PDLIM5: variants seen among roughly 807,000 people sequenced by gnomAD.
PDLIM5 encodes the protein PDZ and LIM domain 5.
Under a neutral mutation model 64.2 loss-of-function variants are expected in PDLIM5, and 34 were observed. The observed-to-expected ratio is 0.53, with a 90% CI of 0.40 to 0.71. The LOEUF (loss-of-function observed/expected upper bound fraction) is 0.71. Ranked by LOEUF, PDLIM5 falls within the 30% of genes least tolerant of loss-of-function variation. The pLI, the probability that PDLIM5 is intolerant of heterozygous loss-of-function variation, is 0.00. For missense variants in PDLIM5, 683 were observed against 733.6 expected, an observed-to-expected ratio of 0.93 and a Z score of 0.80; for synonymous variants, 253 against 269.1, an observed-to-expected ratio of 0.94 and a Z score of 0.59.
intron 3 of PDLIM5, among the ~76,000 whole-genome samples, chr4:94,564,300 A>G (rs965852582): frequency 3.3e-5 from 5 of 152,060 alleles, no homozygotes; most frequent in African/African-American, 1.2e-4. Flanking sequence ...ATAAAAGACC[A>G]ATTCCTTGTA....
intron 4 of PDLIM5, 45 bp from the exon 5 acceptor site, chr4:94,575,571 T>C: frequency 7.9e-7 from 1 of 1,266,106 alleles, no homozygotes; most frequent in Non-Finnish European, 1.1e-6. Flanking sequence ...ATATTTTGCA[T>C]GTGTTTGGTG....
chr4:94,511,808 A>G (rs1342212342), intron 2 of PDLIM5, among the ~76,000 whole-genome samples: 1 of 152,062 alleles, frequency 6.6e-6, no homozygotes, highest in Non-Finnish European at 1.5e-5. Context: ...ACAGGATCTC[A>G]TTCCTTTTTA....
intron 2 of PDLIM5, among the ~76,000 whole-genome samples, chr4:94,472,160 A>G (rs72874802): frequency 0.032 from 4,804 of 151,988 alleles, 233 homozygotes; most frequent in African/African-American, 0.1. Context: ...ACACACACAC[A>G]CGCGCACACA....
At position 94,480,163 on chromosome 4, in the gene PDLIM5, T is replaced by A. The variant is rs144936828; in HGVS notation, c.96+24779T>A. On this transcript the variant is annotated intron_variant, in intron 2 of 12. Transcript: ENST00000317968. ...ACCATAGAGAATATACATAAGATGG[T>A]TAGTGTTAAGTAATTCTAGATCATG... Among the ~76,000 whole-genome samples, 274 of 152,320 alleles carry A rather than the reference T, an allele frequency of 1.8e-3. 1 individual carries two copies. Among genetic ancestry groups the A allele is most frequent in the African/African-American group, 6.4e-3 (264 of 41,574 alleles).
chr4:94,505,887 G>A (rs1437198333), intron 2 of PDLIM5, among the ~76,000 whole-genome samples: 3 of 152,100 alleles, frequency 2.0e-5, no homozygotes. Flanking sequence ...TCATTATGTA[G>A]TTATGATTGC....
At chr4:94,459,167 A>G (rs983845533) in intron 2 of PDLIM5, among the ~76,000 whole-genome samples, 3 of 152,198 alleles carry the variant, frequency 2.0e-5, no homozygotes, top group Non-Finnish European at 4.4e-5. Flanking sequence ...TAAAGATTAT[A>G]TATTTGTGAG....
At chr4:94,563,193 A>G (rs1733991920) in intron 3 of PDLIM5, among the ~76,000 whole-genome samples, 1 of 152,160 alleles carries the variant, frequency 6.6e-6, no homozygotes, top group South Asian at 2.1e-4. Context: ...AGATGTAGAT[A>G]TTATTATCAC....
chr4:94,587,671 G>C, intron 7 of PDLIM5: 2 of 982,480 alleles, frequency 2.0e-6, no homozygotes, highest in Non-Finnish European at 2.4e-6. Context: ...AAGAGGAGGA[G>C]GTCCAGATTT....
At chr4:94,533,496 A>T (rs1274054404) in intron 3 of PDLIM5, among the ~76,000 whole-genome samples, 1 of 152,192 alleles carries the variant, frequency 6.6e-6, no homozygotes, top group Non-Finnish European at 1.5e-5. Context: ...AAGGTCCATG[A>T]AATAGAGATG....
chr4:94,598,004 C>T (rs114528291), intron 7 of PDLIM5, among the ~76,000 whole-genome samples: 2,776 of 152,120 alleles, frequency 0.018, 41 homozygotes, highest in Middle Eastern at 0.027. Flanking sequence ...CAAAGAAAGA[C>T]CCTTAAAATT....
chr4:94,523,232 A>G (rs1340839829), intron 2 of PDLIM5, among the ~76,000 whole-genome samples: 3 of 152,188 alleles, frequency 2.0e-5, no homozygotes, highest in Non-Finnish European at 4.4e-5. Context: ...CAAACCCTGG[A>G]TATGAACTGG....
chr4:94,616,129 G>C (rs1738766191), intron 7 of PDLIM5, among the ~76,000 whole-genome samples: 1 of 152,050 alleles, frequency 6.6e-6, no homozygotes, highest in Admixed American at 6.6e-5. Context: ...ATAATTCCTA[G>C]CATTGCTTGG....
At chr4:94,628,682 A>G (rs1739896130) in intron 8 of PDLIM5, among the ~76,000 whole-genome samples, 1 of 152,208 alleles carries the variant, frequency 6.6e-6, no homozygotes, top group Non-Finnish European at 1.5e-5. Flanking sequence ...GGTAAAAGCC[A>G]AACCCATGTA....
chr4:94,525,522 C>T (rs187404539), intron 3 of PDLIM5, among the ~76,000 whole-genome samples: 4 of 152,200 alleles, frequency 2.6e-5, no homozygotes, highest in Non-Finnish European at 4.4e-5. Context: ...TCCTAGGAGT[C>T]GTGTTTTGTG....
At chr4:94,624,366 G>A (rs1271971581) in intron 8 of PDLIM5, among the ~76,000 whole-genome samples, 1 of 152,104 alleles carries the variant, frequency 6.6e-6, no homozygotes, top group Non-Finnish European at 1.5e-5. Flanking sequence ...GCAGTGGAAT[G>A]CAGAGGAAAT....
intron 3 of PDLIM5, among the ~76,000 whole-genome samples, chr4:94,541,081 G>T (rs1353084008): frequency 5.3e-5 from 8 of 152,148 alleles, no homozygotes; most frequent in African/African-American, 1.9e-4. Flanking sequence ...ATTCATGTGG[G>T]CTGGTGAGAT....
chr4:94,649,268 G>T (rs915018377), intron 9 of PDLIM5, among the ~76,000 whole-genome samples: 2 of 152,054 alleles, frequency 1.3e-5, no homozygotes, highest in African/African-American at 2.4e-5. Context: ...GAGCCACCAT[G>T]CCTGGCCTAG....
intron 2 of PDLIM5, among the ~76,000 whole-genome samples, chr4:94,472,846 C>T (rs1256102806): frequency 3.9e-5 from 6 of 152,176 alleles, no homozygotes; most frequent in African/African-American, 1.4e-4. Flanking sequence ...TTTATTTACT[C>T]ATTCCACAAA....
intron 2 of PDLIM5, among the ~76,000 whole-genome samples, chr4:94,496,303 T>C (rs1727390244): frequency 1.3e-5 from 2 of 152,132 alleles, no homozygotes; most frequent in Non-Finnish European, 2.9e-5. Flanking sequence ...ATATTAGAGG[T>C]CATTTTAATG....
Sources: gnomAD v4.1 joint callset for allele counts (sites outside exome capture counted in the v4.1 genomes callset) on GRCh38, gnomAD v4.1.1 for gene constraint, MANE v1.5 for transcripts, NCBI Gene and HGNC (gene_info 2026-07-23, HGNC 2026-07-21) for gene names.